Variants in SERGEF observed in about 807,000 individuals in gnomAD.
SERGEF encodes the protein secretion regulating guanine nucleotide exchange factor, also known as secretion-regulating guanine nucleotide exchange factor.
A neutral mutation model predicts 50.0 loss-of-function variants in SERGEF; 51 were observed. That is an observed-to-expected ratio of 1.02 (90% CI 0.81 to 1.29). The LOEUF is 1.29. Among genes scored for constraint, SERGEF ranks in the 50% most tolerant of loss-of-function variants. SERGEF has a pLI of 0.00. For synonymous variants in SERGEF, 205 were observed against 212.4 expected (o/e 0.97, Z 0.30); for missense variants, 521 against 557.0 (o/e 0.94, Z 0.65).
intron 10 of SERGEF, among the ~76,000 whole-genome samples, chr11:17,824,093 A>C (rs1850136232): frequency 6.6e-6 from 1 of 152,156 alleles, no homozygotes; most frequent in Non-Finnish European, 1.5e-5. Flanking sequence ...CGACATCAGG[A>C]GATTGAGACC....
At chr11:17,874,660 T>G (rs994744507) in intron 10 of SERGEF, among the ~76,000 whole-genome samples, 3 of 152,214 alleles carry the variant, frequency 2.0e-5, no homozygotes, top group African/African-American at 7.2e-5. Context: ...GGCTGGAACA[T>G]GCAGGGCCTG....
intron 10 of SERGEF, among the ~76,000 whole-genome samples, chr11:17,798,979 T>G (rs776074432): frequency 2.6e-5 from 4 of 152,152 alleles, no homozygotes; most frequent in Non-Finnish European, 4.4e-5. Flanking sequence ...AAAAGAAAGG[T>G]GGCCCTGGCA....
chr11:18,011,073 C>T (rs1379319410), intron 1 of SERGEF, among the ~76,000 whole-genome samples: 2 of 152,002 alleles, frequency 1.3e-5, no homozygotes, highest in African/African-American at 4.8e-5. Context: ...CAACCTATTA[C>T]AACTGTTGTT....
intron 9 of SERGEF, among the ~76,000 whole-genome samples, chr11:17,959,154 C>A (rs1852939070): frequency 6.6e-6 from 1 of 152,226 alleles, no homozygotes; most frequent in African/African-American, 2.4e-5. Context: ...CAGGCGTGAG[C>A]CACCGTGCCT....
intron 4 of SERGEF, among the ~76,000 whole-genome samples, chr11:18,003,844 A>C (rs1039610134): frequency 6.6e-6 from 1 of 152,216 alleles, no homozygotes; most frequent in Non-Finnish European, 1.5e-5. Context: ...TATTAAGTAC[A>C]TAGTTTCTTT....
At chr11:17,926,652 G>A (rs1427098883) in intron 9 of SERGEF, 6 of 424,830 alleles carry the variant, frequency 1.4e-5, no homozygotes, top group African/African-American at 1.0e-4. Context: ...TTATGCCAGA[G>A]GTTCAGCAAG....
At chr11:17,812,897 T>C (rs935892371) in intron 10 of SERGEF, among the ~76,000 whole-genome samples, 5 of 152,212 alleles carry the variant, frequency 3.3e-5, no homozygotes, top group Admixed American at 3.3e-4. Context: ...CCACTCAGAC[T>C]ATCATTTCCC....
chr11:17,947,540 C>T (rs550914033), intron 9 of SERGEF, among the ~76,000 whole-genome samples: 26 of 152,306 alleles, frequency 1.7e-4, no homozygotes, highest in African/African-American at 6.3e-4. Context: ...CTAGTTTGTG[C>T]CCAGACACCA....
intron 9 of SERGEF, among the ~76,000 whole-genome samples, chr11:17,917,549 C>T (rs1852072514): frequency 6.6e-6 from 1 of 151,994 alleles, no homozygotes; most frequent in Admixed American, 6.6e-5. Context: ...TCACCTGTTC[C>T]CCAAAAATCT....
At chr11:17,834,114 T>G (rs960575159) in intron 10 of SERGEF, among the ~76,000 whole-genome samples, 1 of 152,198 alleles carries the variant, frequency 6.6e-6, no homozygotes, top group Non-Finnish European at 1.5e-5. Flanking sequence ...AATTCCCACG[T>G]GTTGTGACAA....
At chr11:17,862,658 G>T (rs922482937) in intron 10 of SERGEF, among the ~76,000 whole-genome samples, 11 of 152,230 alleles carry the variant, frequency 7.2e-5, no homozygotes, top group African/African-American at 2.4e-4. Flanking sequence ...TCATAGGACA[G>T]GTGATACAGA....
chr11:17,849,840 C>A (rs550847337), intron 10 of SERGEF, among the ~76,000 whole-genome samples: 2 of 152,342 alleles, frequency 1.3e-5, no homozygotes, highest in South Asian at 4.1e-4. Context: ...TCAAGTATGT[C>A]TTACTCAAAA....
intron 8 of SERGEF, among the ~76,000 whole-genome samples, chr11:17,962,389 T>G (rs1302065168): frequency 6.6e-6 from 1 of 152,114 alleles, no homozygotes; most frequent in African/African-American, 2.4e-5. Flanking sequence ...ATTAATACAC[T>G]GTAGATGAAT....
chr11:17,868,837 C>T (rs1020354389), intron 10 of SERGEF, among the ~76,000 whole-genome samples: 1 of 152,132 alleles, frequency 6.6e-6, no homozygotes, highest in African/African-American at 2.4e-5. Context: ...TTTTTAAAAC[C>T]ATCAGATCTC....
chr11:18,012,917 G>A (rs1392679634), intron 1 of SERGEF, 34 bp downstream of exon 1: 7 of 1,526,016 alleles, frequency 4.6e-6, no homozygotes, highest in Admixed American at 2.0e-5. Context: ...GCGCCCCTCA[G>A]GGCCTGCACC....
chr11:17,940,264 A>G (rs1476006260), intron 9 of SERGEF, among the ~76,000 whole-genome samples: 1 of 152,172 alleles, frequency 6.6e-6, no homozygotes, highest in Non-Finnish European at 1.5e-5. Context: ...TGGGCAAGAC[A>G]TCAATATCCC....
At chr11:17,902,114 T>C (rs1159625625) in intron 9 of SERGEF, among the ~76,000 whole-genome samples, 2 of 152,180 alleles carry the variant, frequency 1.3e-5, no homozygotes, top group African/African-American at 4.8e-5. Flanking sequence ...CAAAGAAACA[T>C]TACTGTATTT....
intron 8 of SERGEF, among the ~76,000 whole-genome samples, chr11:17,969,525 T>G (rs1853200232): frequency 6.6e-6 from 1 of 151,668 alleles, no homozygotes; most frequent in South Asian, 2.1e-4. Context: ...GTGAGGAGTG[T>G]GGGTGGAGGG....
intron 9 of SERGEF, among the ~76,000 whole-genome samples, chr11:17,882,682 G>A (rs989913820): frequency 2.0e-5 from 3 of 152,122 alleles, no homozygotes; most frequent in African/African-American, 7.2e-5. Context: ...GGAGATGGCA[G>A]TACAAAGAGA....
Sources: gnomAD v4.1 joint callset for allele counts (sites outside exome capture counted in the v4.1 genomes callset) on GRCh38, gnomAD v4.1.1 for gene constraint, MANE v1.5 for transcripts, NCBI Gene and HGNC (gene_info 2026-07-23, HGNC 2026-07-21) for gene names.